Variants in OR8H2 observed in about 807,000 individuals in gnomAD.
OR8H2 encodes olfactory receptor 8H2.
For missense variants in OR8H2, 374 were observed against 371.1 expected, an observed-to-expected ratio of 1.01 and a Z score of -0.06; for synonymous variants, 157 against 139.2, an observed-to-expected ratio of 1.13 and a Z score of -0.90.
rs1341617065 is a variant in OR8H2 at position 56,106,520 on chromosome 11, A to C, written c.*539A>C. The C allele has an allele frequency of 6.6e-6, 1 of 152,478 alleles. No homozygotes were observed. Among genetic ancestry groups the C allele is most frequent in the Admixed American group, 6.6e-5 (1 of 15,266 alleles). 9.4% of individuals were successfully genotyped at this position (152,478 alleles called of 1,614,324 possible). On this transcript the variant is annotated 3_prime_UTR_variant, in exon 2 of 2. Transcript: ENST00000313503. ...TTAAGCCTCCCTTCCCTAAGTGCAC[A>C]AGATAAATAATAACTCCAAATCTGA...
rs1417203087 is a variant in OR8H2 at position 56,105,424 on chromosome 11, A to C, written c.382A>C (p.Ser128Arg). 2 of 1,614,034 alleles carry C rather than the reference A, an allele frequency of 1.2e-6. No individual in the cohort carries two copies. The highest frequency in any genetic ancestry group is 1.7e-6 in the Non-Finnish European group (2 of 1,180,024). The change falls in exon 2 of 2, where the codon AGT (serine) becomes CGT (arginine). Residue 128 changes from serine to arginine, a missense_variant. Transcript: ENST00000313503. ...CCATGATCGCTATGCAGCGATCTGC[A>C]GTCCTCTACACTACACAGTTATTAT... The part of the protein sequence containing the change: ...MAHDRYAAIC[S>R]PLHYTVIMSK...
In OR8H2 at chr11:56,106,379, G is replaced by A. The variant is rs1011554565; in HGVS notation, c.*398G>A. The A allele has an allele frequency of 1.3e-5, 2 of 154,210 alleles. No individual in the cohort carries two copies. The highest frequency in any genetic ancestry group is 2.9e-5 in the Non-Finnish European group (2 of 69,646). The allele number at this position is 154,210 out of a possible 1,614,324, so 9.6% of individuals were successfully genotyped here. A position where few individuals can be genotyped will look rare whatever the true frequency, so the allele number is the denominator to read the frequency against. ...AGATGTTATTCCATTTATTATATGGGGAAGAATTATAGCAGAGTGGGTAGG... is the reference window on the plus strand; with the variant it reads ...AGATGTTATTCCATTTATTATATGGAGAAGAATTATAGCAGAGTGGGTAGG... On this transcript the variant is annotated 3_prime_UTR_variant, in exon 2 of 2. Transcript: ENST00000313503.
rs769240158 is a variant in OR8H2, at chr11:56,104,996, C to T, written c.-47C>T. The T allele has an allele frequency of 8.6e-6, 13 of 1,513,592 alleles. No individual in the cohort carries two copies. In the Admixed American group the frequency reaches 1.3e-4, roughly 16 times the overall value. The allele number at this position is 1,513,592 out of a possible 1,614,324, so 93.8% of individuals were successfully genotyped here. On this transcript the variant is annotated 5_prime_UTR_variant, in exon 2 of 2. Coordinates refer to ENST00000313503, the MANE Select transcript of OR8H2 (RefSeq NM_001386064.1). ...CCAGTAGCTGGGATTACAGGCGCCC[C>T]TGCTACGTATCAGCTTTGATTTCTC...
Position 56,105,067 on chromosome 11 carries a change from A to T in OR8H2, c.25A>T (p.Asn9Tyr). The change falls in exon 2 of 2, where the codon AAT (asparagine) becomes TAT (tyrosine). Residue 9 changes from asparagine to tyrosine, a missense_variant. Coordinates refer to ENST00000313503, the MANE Select transcript of OR8H2 (RefSeq NM_001386064.1). ...CATGATGGGTAGAAGGAATAACACA[A>T]ATGTGGCTGACTTCATCCTTATGGG... MMGRRNNT[N>Y]VADFILMGLT... 1 of 1,613,536 alleles carries T rather than the reference A, an allele frequency of 6.2e-7. No individual in the cohort carries two copies. The highest frequency in any genetic ancestry group is 8.5e-7 in the Non-Finnish European group (1 of 1,179,678).
At position 56,103,848 on chromosome 11, in the gene OR8H2, T is replaced by C. The variant is rs1163081498; in HGVS notation, c.-311T>C. On this transcript the variant is annotated 5_prime_UTR_variant, in exon 1 of 2. Transcript: ENST00000313503. ...AATACACCAAAATGTAAAAACAACT[T>C]ATCTCAAGTAAAATAAATATTATAA... The C allele has an allele frequency of 6.6e-6, 1 of 152,100 alleles. No homozygotes were observed. Among genetic ancestry groups the C allele is most frequent in the Non-Finnish European group, 1.5e-5 (1 of 67,996 alleles). The allele number at this position is 152,100 out of a possible 1,614,324, so 9.4% of individuals were successfully genotyped here.
rs531893539 is a variant in OR8H2, at chr11:56,104,950, A to C, written c.-93A>C. ...CAACCTCCGCCTCCCGCGTTCAAGC[A>C]ATTCTCCTGCCTCAGCTTCTCCAGT... On this transcript the variant is annotated 5_prime_UTR_variant, in exon 2 of 2. Transcript: ENST00000313503. 7.1e-6 allele frequency: 8 copies of C among 1,121,488 alleles called. No homozygotes were observed. The highest frequency in any genetic ancestry group is 1.0e-5 in the Non-Finnish European group (8 of 771,594). 69.5% of individuals were successfully genotyped at this position (1,121,488 alleles called of 1,614,324 possible).
Position 56,104,845 on chromosome 11 carries a change from TTGTTTGTTTTTTG to T in OR8H2, c.-171-25_-171-13del. 2.3e-6 allele frequency: 1 copy of T among 428,780 alleles called. No individual in the cohort carries two copies. The highest frequency in any genetic ancestry group is 4.1e-6 in the Non-Finnish European group (1 of 244,816). The allele number at this position is 428,780 out of a possible 1,614,324, so 26.6% of individuals were successfully genotyped here. A position where few individuals can be genotyped will look rare whatever the true frequency, so the allele number is the denominator to read the frequency against. ...ATTCATATAAACAGAAAGTTTTTTT[TTGTTTGTTTTTTG>T]TTTTTTGAGTCAGAGTCTGGCACAG... On this transcript the variant is annotated splice_polypyrimidine_tract_variant and intron_variant, in intron 1 of 1. Coordinates refer to ENST00000313503, the MANE Select transcript of OR8H2 (RefSeq NM_001386064.1).
chr11:56,105,490 G>A lies in OR8H2; in HGVS notation c.448G>A (p.Val150Met). The A allele has an allele frequency of 6.2e-7, 1 of 1,614,172 alleles. No individual in the cohort carries two copies. The highest frequency in any genetic ancestry group is 8.5e-7 in the Non-Finnish European group (1 of 1,180,024). The change falls in exon 2 of 2, where the codon GTG becomes ATG. Residue 150 changes from valine (V) to methionine (M), a missense_variant. Val to Met is a conservative substitution (Grantham distance 21). Transcript: ENST00000313503. ...CCTCGCTCTCATCACTGGGCCTTAT[G>A]TGATTGGCTTTATAGACTCCTTTGT... ...LCLALITGPY[V>M]IGFIDSFVNV...
In OR8H2 at chr11:56,106,104, C is replaced by T; in HGVS notation, c.*123C>T. 4.4e-6 allele frequency: 3 copies of T among 680,968 alleles called. No individual in the cohort carries two copies. The highest frequency in any genetic ancestry group is 2.2e-5 in the South Asian group (1 of 45,154). 42.2% of individuals were successfully genotyped at this position (680,968 alleles called of 1,614,324 possible). ...ATTTGTTTGCATTTCTGTTGTGCTA[C>T]CCTTTGCTTCACTAAACATGATTTT... On this transcript the variant is annotated 3_prime_UTR_variant, in exon 2 of 2. Coordinates refer to ENST00000313503, the MANE Select transcript of OR8H2 (RefSeq NM_001386064.1).
chr11:56,105,566 A>C lies in OR8H2; in HGVS notation c.524A>C (p.His175Pro), dbSNP rs751951863. Residue 175 changes from histidine to proline, a missense_variant, in exon 2 of 2, where the codon CAT (histidine) becomes CCT (proline). By Grantham distance (77) the His-to-Pro change is moderately conservative. Transcript: ENST00000313503. Reference sequence around the variant, plus strand: ...CATTTCTACGACTCAAACGTAATTCATCACTTTTTCTGTGACACTTCCCCA... The same window carrying C: ...CATTTCTACGACTCAAACGTAATTCCTCACTTTTTCTGTGACACTTCCCCA... ...RLHFYDSNVI[H>P]HFFCDTSPIL... 1 of 1,614,148 alleles carries C rather than the reference A, an allele frequency of 6.2e-7. No individual in the cohort carries two copies. The highest frequency in any genetic ancestry group is 2.2e-5 in the East Asian group (1 of 44,876).
Position 56,105,486 on chromosome 11 carries a change from T to G in OR8H2, c.444T>G (p.Pro148=), listed in dbSNP as rs1325715109. The G allele has an allele frequency of 1.2e-6, 2 of 1,614,208 alleles. No individual in the cohort carries two copies. Among genetic ancestry groups the G allele is most frequent in the South Asian group, 2.2e-5 (2 of 91,082 alleles). ...KRLCLALITG[P]YVIGFIDSFV... Reference sequence around the variant, plus strand: ...TCTGCCTCGCTCTCATCACTGGGCCTTATGTGATTGGCTTTATAGACTCCT... The same window carrying G: ...TCTGCCTCGCTCTCATCACTGGGCCGTATGTGATTGGCTTTATAGACTCCT... Residue 148 remains proline, a synonymous_variant, in exon 2 of 2, where the codon CCT becomes CCG. Transcript: ENST00000313503.
chr11:56,105,815 CT>C lies in OR8H2; in HGVS notation c.775del (p.Tyr259IlefsTer2). 6.2e-7 allele frequency: 1 copy of C among 1,613,668 alleles called. No individual in the cohort carries two copies. Among genetic ancestry groups the C allele is most frequent in the Non-Finnish European group, 8.5e-7 (1 of 1,179,752 alleles). ...VTIFYSTLIF[T>X]YLKPRKSYSL... ...ATCTTTTATAGCACTCTGATTTTTA[CT>C]TATTTAAAACCAAGAAAGTCTTATT... On this transcript the variant is annotated frameshift_variant, in exon 2 of 2. Transcript: ENST00000313503. LOFTEE classifies it low-confidence loss of function (END_TRUNC).
chr11:56,104,234 T>C (rs1854016591), intron 1 of OR8H2, among the ~76,000 whole-genome samples: 1 of 152,082 alleles, frequency 6.6e-6, no homozygotes, highest in African/African-American at 2.4e-5. Flanking sequence ...AGGAAAACAT[T>C]ACGTATTTTA....
In OR8H2 at chr11:56,105,363, G is replaced by A. The variant is rs146130856; in HGVS notation, c.321G>A (p.Leu107=). 6.7e-4 allele frequency: 1,075 copies of A among 1,614,096 alleles called. 2 individuals carry two copies. Among genetic ancestry groups the A allele is most frequent in the Middle Eastern group, 4.1e-3 (25 of 6,062 alleles). The change falls in exon 2 of 2, where the codon TTG becomes TTA. Residue 107 remains leucine, a synonymous_variant. Transcript: ENST00000313503. ...CCCAGATGTTCTTTTTTGCCTTCTTGGGTACTGCTGAATGTTACCTTCTCT... is the reference window on the plus strand; with the variant it reads ...CCCAGATGTTCTTTTTTGCCTTCTTAGGTACTGCTGAATGTTACCTTCTCT... ...CFAQMFFFAF[L]GTAECYLLSS... is the part of the protein sequence containing the mutation.
intron 1 of OR8H2, among the ~76,000 whole-genome samples, chr11:56,104,442 G>T (rs1398303389): frequency 6.6e-6 from 1 of 152,046 alleles, no homozygotes; most frequent in Non-Finnish European, 1.5e-5. Context: ...ATAAACAAGA[G>T]TATAGTATTA....
In OR8H2 at chr11:56,107,195, T is replaced by C. The variant is rs1167700435; in HGVS notation, c.*1214T>C. 1.3e-5 allele frequency: 2 copies of C among 151,920 alleles called. No homozygotes were observed. The highest frequency in any genetic ancestry group is 2.4e-5 in the African/African-American group (1 of 41,436). 9.4% of individuals were successfully genotyped at this position (151,920 alleles called of 1,614,324 possible). On this transcript the variant is annotated 3_prime_UTR_variant, in exon 2 of 2. Coordinates refer to ENST00000313503, the MANE Select transcript of OR8H2 (RefSeq NM_001386064.1). The stretch of plus-strand genomic sequence containing the variant: ...ACTTACAAATCTACATGCAGTGATA[T>C]CTCTTTTGCGTGCAAAACTTCAAAA...
At position 56,105,845 on chromosome 11, in the gene OR8H2, T is replaced by C. The variant is rs1449910363; in HGVS notation, c.803T>C (p.Leu268Ser). 6.2e-7 allele frequency: 1 copy of C among 1,613,310 alleles called. No individual in the cohort carries two copies. Among genetic ancestry groups the C allele is most frequent in the Non-Finnish European group, 8.5e-7 (1 of 1,179,276 alleles). The change falls in exon 2 of 2, where the codon TTG (leucine) becomes TCG (serine). Residue 268 changes from leucine (L) to serine (S), a missense_variant. Coordinates refer to ENST00000313503, the MANE Select transcript of OR8H2 (RefSeq NM_001386064.1). Reference protein sequence around the residue: ...TYLKPRKSYSLGRDQVASVFY... With the variant: ...TYLKPRKSYSSGRDQVASVFY... The stretch of plus-strand genomic sequence containing the variant: ...TTAAAACCAAGAAAGTCTTATTCCT[T>C]GGGAAGAGATCAAGTGGCTTCTGTT...
At position 56,106,096 on chromosome 11, in the gene OR8H2, T is replaced by C. The variant is rs1273248624; in HGVS notation, c.*115T>C. 1.3e-6 allele frequency: 1 copy of C among 743,260 alleles called. No homozygotes were observed. The highest frequency in any genetic ancestry group is 2.2e-6 in the Non-Finnish European group (1 of 455,264). The allele number at this position is 743,260 out of a possible 1,614,324, so 46.0% of individuals were successfully genotyped here. A position where few individuals can be genotyped will look rare whatever the true frequency, so the allele number is the denominator to read the frequency against. ...ATCTTTTAATTTGTTTGCATTTCTGTTGTGCTACCCTTTGCTTCACTAAAC... is the reference window on the plus strand; with the variant it reads ...ATCTTTTAATTTGTTTGCATTTCTGCTGTGCTACCCTTTGCTTCACTAAAC... On this transcript the variant is annotated 3_prime_UTR_variant, in exon 2 of 2. Coordinates refer to ENST00000313503, the MANE Select transcript of OR8H2 (RefSeq NM_001386064.1).
rs199959155 is a variant in OR8H2 at position 56,105,324 on chromosome 11, T to C, written c.282T>C (p.Phe94=). The C allele has an allele frequency of 1.2e-4, 193 of 1,614,210 alleles. No individual in the cohort carries two copies. The highest frequency in any genetic ancestry group is 3.3e-4 in the East Asian group (15 of 44,880). ...ANLLTSNYIS[F]TGCFAQMFFF... Reference sequence around the variant, plus strand: ...TACTGACTTCCAACTATATTTCCTTTACGGGCTGCTTTGCCCAGATGTTCT... The same window carrying C: ...TACTGACTTCCAACTATATTTCCTTCACGGGCTGCTTTGCCCAGATGTTCT... The change falls in exon 2 of 2, where the codon TTT becomes TTC. Residue 94 remains phenylalanine, a synonymous_variant. Coordinates refer to ENST00000313503, the MANE Select transcript of OR8H2 (RefSeq NM_001386064.1).
Sources: allele counts gnomAD v4.1 joint callset (sites outside exome capture counted in the v4.1 genomes callset), GRCh38; gene constraint gnomAD v4.1.1; transcripts MANE v1.5; gene names NCBI Gene and HGNC (gene_info 2026-07-23, HGNC 2026-07-21).